PFKL: variants seen among roughly 807,000 people sequenced by gnomAD.
PFKL encodes ATP-dependent 6-phosphofructokinase, liver type.
In PFKL, 74 loss-of-function variants were observed where a neutral mutation model predicts 92.1. The observed-to-expected ratio is 0.80, with a 90% CI of 0.67 to 0.97. The LOEUF (loss-of-function observed/expected upper bound fraction) is 0.97, where lower values mean the gene tolerates loss of function less well. Among genes scored for constraint, PFKL ranks in the 50% least tolerant of loss-of-function variants. PFKL has a pLI of 0.00. For synonymous variants in PFKL, 494 were observed against 456.4 expected (o/e 1.08, Z -1.05); for missense variants, 1,028 against 1,116.6 (o/e 0.92, Z 1.13).
chr21:44,309,078 TGGAGGAGGCAGAGGGTCGAGAGGCAGAA>T (rs1465749249), intron 2 of PFKL, among the ~76,000 whole-genome samples: 2 of 152,048 alleles, frequency 1.3e-5, no homozygotes, highest in African/African-American at 4.8e-5. Flanking sequence ...ATCCTGAGCT[TGGAGGAGGCAGAGGGTCGAGAGGCAGAA>T]GGGGGAGGTC....
chr21:44,313,458 G>A (rs1398756552), intron 5 of PFKL, among the ~76,000 whole-genome samples, 180 bp from the exon 6 acceptor site: 1 of 152,198 alleles, frequency 6.6e-6, no homozygotes, highest in Non-Finnish European at 1.5e-5. Flanking sequence ...GAGATCAGTC[G>A]AAACCAGCCC....
chr21:44,311,224 A>G, intron 3 of PFKL, 141 bp downstream of exon 3: 1 of 649,726 alleles, frequency 1.5e-6, no homozygotes. Flanking sequence ...ATGCACACAG[A>G]CGCACACACA....
intron 5 of PFKL, 69 bp downstream of exon 5, chr21:44,313,212 G>A: frequency 6.5e-7 from 1 of 1,546,022 alleles, no homozygotes; most frequent in Middle Eastern, 1.7e-4. Context: ...GGTGGTCTCA[G>A]GGTGACGGCC....
chr21:44,312,106 G>A lies in PFKL; in HGVS notation c.239G>A (p.Gly80Asp). The A allele has an allele frequency of 1.3e-6, 2 of 1,544,026 alleles. No individual in the cohort carries two copies. The highest frequency in any genetic ancestry group is 1.7e-6 in the Non-Finnish European group (2 of 1,144,972). ...WLSVSNIIQL[G>D]GTIIGSARCK... The stretch of plus-strand genomic sequence containing the variant: ...AAGTTTCTGGTCTCCTCTGTGCAGG[G>A]CGGCACTATCATTGGCAGCGCTCGC... Residue 80 changes from glycine (G) to aspartate (D), a missense_variant and splice_region_variant, in exon 4 of 22, where the codon GGC becomes GAC. Coordinates refer to ENST00000349048, the MANE Select transcript of PFKL (RefSeq NM_002626.6).
In PFKL at chr21:44,324,696, A is replaced by T. The variant is rs770833082; in HGVS notation, c.1815+41A>T. ...CCCCTGCTGCGGCAGACCTGCCGGC[A>T]TGCCAGCCTGGGCCCCAGACACTCA... On this transcript the variant is annotated intron_variant, in intron 17 of 21. Transcript: ENST00000349048. 14 of 1,563,032 alleles carry T rather than the reference A, an allele frequency of 9.0e-6. No individual in the cohort carries two copies. The Admixed American group carries it at 2.1e-4, about 24-fold the overall frequency.
intron 19 of PFKL, chr21:44,325,594 G>A: frequency 2.0e-6 from 1 of 497,652 alleles, no homozygotes; most frequent in Non-Finnish European, 3.7e-6. Context: ...TGGTGGCCCT[G>A]CAGGAAGCCC....
intron 17 of PFKL, 79 bp downstream of exon 17, chr21:44,324,734 C>A: frequency 6.4e-7 from 1 of 1,563,692 alleles, no homozygotes; most frequent in South Asian, 1.2e-5. Context: ...CCGGCCAGCG[C>A]AGGGCAGGGC....
intron 1 of PFKL, chr21:44,304,522 C>T (rs972505581): frequency 3.8e-5 from 43 of 1,141,170 alleles, no homozygotes; most frequent in South Asian, 1.8e-5. Context: ...GGCTTAGCTT[C>T]GGCCAGCTGT....
chr21:44,308,353 G>A (rs1034440825), intron 2 of PFKL, among the ~76,000 whole-genome samples: 12 of 152,148 alleles, frequency 7.9e-5, no homozygotes, highest in Non-Finnish European at 1.8e-4. Flanking sequence ...TTTGAGATGA[G>A]ACATTCTGAT....
Position 44,316,356 on chromosome 21 carries a change from G to A in PFKL, c.843+17G>A, listed in dbSNP as rs1287051928. 6.2e-7 allele frequency: 1 copy of A among 1,612,426 alleles called. No individual in the cohort carries two copies. On this transcript the variant is annotated intron_variant, in intron 8 of 21. Coordinates refer to ENST00000349048, the MANE Select transcript of PFKL (RefSeq NM_002626.6). ...GTGAAGGACGTGCGTGTGGGCCTGG[G>A]GGTGGCCACTGGGCACCTGCTCCTC... is the stretch of plus-strand genomic sequence containing the variant.
At chr21:44,314,410 G>T in intron 7 of PFKL, 1 of 216,206 alleles carries the variant, frequency 4.6e-6, no homozygotes, top group Non-Finnish European at 9.2e-6. Flanking sequence ...GGGGTGGCGA[G>T]GCCAGGAGCT....
rs541765305 is a variant in PFKL, at chr21:44,324,746, C to T, written c.1815+91C>T. On this transcript the variant is annotated intron_variant, in intron 17 of 21. Transcript: ENST00000349048. ...AGGCCGGCCAGCGCAGGGCAGGGCCCGGGCAGGTGGGACGCGTAGCCCAGT... is the reference window on the plus strand; with the variant it reads ...AGGCCGGCCAGCGCAGGGCAGGGCCTGGGCAGGTGGGACGCGTAGCCCAGT... The T allele has an allele frequency of 1.4e-4, 217 of 1,566,416 alleles. 1 individual carries two copies. In the African/African-American group the frequency reaches 2.4e-3, roughly 17 times the overall value.
chr21:44,308,675 C>T (rs1335722186), intron 2 of PFKL, among the ~76,000 whole-genome samples: 1 of 151,470 alleles, frequency 6.6e-6, no homozygotes, highest in Non-Finnish European at 1.5e-5. Context: ...AATTTTCCTG[C>T]CTCAGCCTCC....
chr21:44,304,484 T>C, intron 1 of PFKL: 6 of 1,167,386 alleles, frequency 5.1e-6, no homozygotes, highest in Non-Finnish European at 5.4e-6. Flanking sequence ...TGGGACCAGG[T>C]CTGCAGGGAG....
intron 1 of PFKL, chr21:44,304,175 C>G: frequency 7.8e-7 from 1 of 1,275,798 alleles, no homozygotes; most frequent in Non-Finnish European, 1.0e-6. Flanking sequence ...TGTCTCCGGG[C>G]GTCAAAGCAG....
At chr21:44,310,657 T>G (rs2047015460) in intron 2 of PFKL, among the ~76,000 whole-genome samples, 1 of 152,152 alleles carries the variant, frequency 6.6e-6, no homozygotes, top group Admixed American at 6.5e-5. Flanking sequence ...AGACCTAGGA[T>G]GCACCCTCAG....
At chr21:44,313,170 G>C in intron 5 of PFKL, 27 bp downstream of exon 5, 2 of 1,610,030 alleles carry the variant, frequency 1.2e-6, no homozygotes, top group Non-Finnish European at 8.5e-7. Context: ...CCGGCGGCCA[G>C]CCCAGGGCCC....
Position 44,322,143 on chromosome 21 carries a change from T to G in PFKL, c.1349T>G (p.Val450Gly), listed in dbSNP as rs1568967327. The change falls in exon 14 of 22, where the codon GTA becomes GGA. Residue 450 changes from valine (V) to glycine (G), a missense_variant. Val to Gly is a moderately radical substitution (Grantham distance 109, BLOSUM62 -3). Coordinates refer to ENST00000349048, the MANE Select transcript of PFKL (RefSeq NM_002626.6). ...ATCTCCTCCTGGCAGGTGCAAGAAG[T>G]AGGCTGGCACGACGTGGCCGGCTGG... ...EGLAKGQVQE[V>G]GWHDVAGWLG... 6.2e-7 allele frequency: 1 copy of G among 1,605,792 alleles called. No homozygotes were observed. Among genetic ancestry groups the G allele is most frequent in the East Asian group, 2.2e-5 (1 of 44,796 alleles).
At chr21:44,312,747 C>T (rs1362008136) in intron 4 of PFKL, among the ~76,000 whole-genome samples, 1 of 152,184 alleles carries the variant, frequency 6.6e-6, no homozygotes, top group Non-Finnish European at 1.5e-5. Context: ...GATGTGAGGC[C>T]TTGGCCGCTC....
Sources: gnomAD v4.1 joint callset for allele counts (sites outside exome capture counted in the v4.1 genomes callset) on GRCh38, gnomAD v4.1.1 for gene constraint, MANE v1.5 for transcripts, NCBI Gene and HGNC (gene_info 2026-07-23, HGNC 2026-07-21) for gene names.